TMEM117: variants seen among roughly 807,000 people sequenced by gnomAD.
TMEM117 encodes transmembrane protein 117.
TMEM117 carries 27 observed loss-of-function variants against 52.4 expected under a neutral mutation model. The observed-to-expected ratio is 0.51, with a 90% CI of 0.38 to 0.71. TMEM117 has a LOEUF of 0.71. Ranked by LOEUF, TMEM117 falls within the 30% of genes least tolerant of loss-of-function variation. The pLI is 0.00. For synonymous variants in TMEM117, 215 were observed against 206.3 expected (o/e 1.04, Z -0.36); for missense variants, 556 against 630.5 (o/e 0.88, Z 1.26).
chr12:43,824,799 G>A, the TMEM117 span, among the ~76,000 whole-genome samples: 9 of 152,124 alleles, frequency 5.9e-5, no homozygotes, highest in African/African-American at 2.2e-4. Flanking sequence ...CATGGTGGCG[G>A]GTGCCTGTAG....
intron 6 of TMEM117, among the ~76,000 whole-genome samples, chr12:44,365,751 TTTA>T (rs537506360): frequency 1.5e-4 from 23 of 151,186 alleles, no homozygotes; most frequent in Admixed American, 2.6e-4. Context: ...AGGATTTTCT[TTTA>T]TTATTATTAT....
intron 4 of TMEM117, among the ~76,000 whole-genome samples, chr12:44,147,931 CAAAAAA>C (rs61271123): frequency 1.6e-5 from 1 of 61,798 alleles, no homozygotes; most frequent in Admixed American, 1.8e-4. Context: ...GACTCTGTCT[CAAAAAA>C]AAAAAAAAAA....
intron 3 of TMEM117, among the ~76,000 whole-genome samples, chr12:43,970,623 C>T (rs1565775094): frequency 6.6e-6 from 1 of 152,128 alleles, no homozygotes; most frequent in Non-Finnish European, 1.5e-5. Flanking sequence ...TTGTTAAGTT[C>T]TTCCTCTGCC....
intron 2 of TMEM117, among the ~76,000 whole-genome samples, chr12:43,904,342 C>A (rs1447009777): frequency 6.6e-6 from 1 of 152,128 alleles, no homozygotes. Context: ...CCACTGCACT[C>A]CAGCCTAGGG....
intron 3 of TMEM117, among the ~76,000 whole-genome samples, chr12:44,011,708 G>A (rs1019818562): frequency 1.3e-5 from 2 of 151,544 alleles, no homozygotes; most frequent in Non-Finnish European, 2.9e-5. Flanking sequence ...TATAAGTTAG[G>A]CATAGTAAGA....
intron 3 of TMEM117, among the ~76,000 whole-genome samples, chr12:44,102,925 T>A (rs757995994): frequency 2.6e-5 from 4 of 151,996 alleles, no homozygotes; most frequent in Non-Finnish European, 5.9e-5. Context: ...TTTCCCTCCT[T>A]TGCTCTGCAC....
intron 6 of TMEM117, among the ~76,000 whole-genome samples, chr12:44,363,805 T>C (rs935581597): frequency 6.6e-6 from 1 of 152,124 alleles, no homozygotes; most frequent in African/African-American, 2.4e-5. Flanking sequence ...TTGTTTTGAG[T>C]GTGTAGTTGT....
the TMEM117 span, among the ~76,000 whole-genome samples, chr12:43,800,117 TAAAC>T: frequency 2.6e-5 from 4 of 152,248 alleles, no homozygotes; most frequent in African/African-American, 9.6e-5. Flanking sequence ...AGAAAAGCTC[TAAAC>T]AAACAAAAAA....
chr12:44,293,013 A>T (rs1257578830), intron 5 of TMEM117, among the ~76,000 whole-genome samples: 1 of 152,052 alleles, frequency 6.6e-6, no homozygotes, highest in Middle Eastern at 3.4e-3. Context: ...TCATTGTTGC[A>T]AATAGAAATT....
chr12:44,358,747 A>G, intron 6 of TMEM117, among the ~76,000 whole-genome samples: 1 of 152,126 alleles, frequency 6.6e-6, no homozygotes, highest in Non-Finnish European at 1.5e-5. Flanking sequence ...TGTAACATTG[A>G]GAAGAGCTGA....
intron 4 of TMEM117, among the ~76,000 whole-genome samples, chr12:44,207,265 A>G (rs1339104614): frequency 6.6e-6 from 1 of 152,278 alleles, no homozygotes; most frequent in African/African-American, 2.4e-5. Context: ...TTGTATCCCT[A>G]ATAAATCAAT....
intron 2 of TMEM117, among the ~76,000 whole-genome samples, chr12:43,924,110 A>T (rs897239189): frequency 2.6e-5 from 4 of 152,182 alleles, no homozygotes; most frequent in Admixed American, 1.3e-4. Flanking sequence ...TGGCACTGTG[A>T]ATCTTAATGG....
intron 3 of TMEM117, among the ~76,000 whole-genome samples, chr12:43,980,403 T>G (rs990630130): frequency 7.9e-5 from 12 of 151,662 alleles, no homozygotes; most frequent in Admixed American, 4.6e-4. Flanking sequence ...CGTACCTTCT[T>G]CTAGGAACCA....
intron 5 of TMEM117, among the ~76,000 whole-genome samples, chr12:44,215,661 A>G (rs1277053861): frequency 1.3e-5 from 2 of 152,106 alleles, no homozygotes; most frequent in Non-Finnish European, 2.9e-5. Context: ...TACTCTCTAG[A>G]GAAACAATTT....
intron 3 of TMEM117, among the ~76,000 whole-genome samples, chr12:44,050,952 A>G (rs991539807): frequency 1.1e-4 from 17 of 152,218 alleles, no homozygotes; most frequent in African/African-American, 4.1e-4. Context: ...TTCAGATTGC[A>G]GCTCCTTCTA....
chr12:44,073,350 C>T lies in TMEM117; in HGVS notation c.411-70175C>T, dbSNP rs144518873. 1.2e-3 allele frequency among the ~76,000 whole-genome samples: 184 copies of T among 152,226 alleles called. 2 individuals carry two copies. Among genetic ancestry groups the T allele is most frequent in the African/African-American group, 4.4e-3 (181 of 41,530 alleles). On this transcript the variant is annotated intron_variant, in intron 3 of 7. Coordinates refer to ENST00000266534, the MANE Select transcript of TMEM117 (RefSeq NM_032256.3). ...CTTTCCTTCCTATTGGCTGGGTGAA[C>T]TCGGGCAAGTTACTTTGCCCCCACC... is the stretch of plus-strand genomic sequence containing the variant.
intron 2 of TMEM117, among the ~76,000 whole-genome samples, chr12:43,912,819 T>G (rs1288581432): frequency 6.6e-6 from 1 of 152,082 alleles, no homozygotes; most frequent in Non-Finnish European, 1.5e-5. Context: ...TTATATTCAT[T>G]TTATCCAAAA....
intron 3 of TMEM117, among the ~76,000 whole-genome samples, chr12:44,076,176 A>G (rs998560820): frequency 1.3e-5 from 2 of 152,300 alleles, no homozygotes; most frequent in African/African-American, 4.8e-5. Flanking sequence ...AAATAATTGG[A>G]ATGGATTTTG....
At chr12:44,131,826 G>A (rs1948418124) in intron 3 of TMEM117, among the ~76,000 whole-genome samples, 1 of 151,872 alleles carries the variant, frequency 6.6e-6, no homozygotes, top group African/African-American at 2.4e-5. Context: ...CCTTTATGTA[G>A]CCTTAGTTTT....
Sources: gnomAD v4.1 joint callset for allele counts (sites outside exome capture counted in the v4.1 genomes callset) on GRCh38, gnomAD v4.1.1 for gene constraint, MANE v1.5 for transcripts, NCBI Gene and HGNC (gene_info 2026-07-23, HGNC 2026-07-21) for gene names.